The following KIAA1328 variants were observed in gnomAD, a reference collection of about 807,000 sequenced individuals.
KIAA1328 encodes the protein KIAA1328.
A neutral mutation model predicts 68.1 loss-of-function variants in KIAA1328; 52 were observed. The ratio of observed to expected loss-of-function variants is 0.76; its 90% CI spans 0.61 to 0.96. The LOEUF (loss-of-function observed/expected upper bound fraction) is 0.96, where lower values mean the gene tolerates loss of function less well. Among genes scored for constraint, KIAA1328 ranks in the 40% least tolerant of loss-of-function variants. The pLI is 0.00. For synonymous variants in KIAA1328, 232 were observed against 239.4 expected (o/e 0.97, Z 0.28); for missense variants, 641 against 677.6 (o/e 0.95, Z 0.60).
intron 6 of KIAA1328, among the ~76,000 whole-genome samples, chr18:37,061,716 G>A (rs2056154133): frequency 6.6e-6 from 1 of 152,164 alleles, no homozygotes; most frequent in Non-Finnish European, 1.5e-5. Context: ...GGCAACATCT[G>A]TCTTCAACTC....
chr18:36,948,028 T>C (rs1036966404), intron 5 of KIAA1328, among the ~76,000 whole-genome samples: 1 of 152,142 alleles, frequency 6.6e-6, no homozygotes, highest in African/African-American at 2.4e-5. Flanking sequence ...CTTCCCATCA[T>C]GGCCTGAACT....
At chr18:36,990,277 A>T (rs1309756615) in intron 6 of KIAA1328, among the ~76,000 whole-genome samples, 1 of 152,184 alleles carries the variant, frequency 6.6e-6, no homozygotes, top group Non-Finnish European at 1.5e-5. Flanking sequence ...CATGAATAAC[A>T]TATATTAATG....
At chr18:36,955,346 C>T (rs187117237) in intron 5 of KIAA1328, among the ~76,000 whole-genome samples, 2 of 144,066 alleles carry the variant, frequency 1.4e-5, no homozygotes, top group African/African-American at 5.1e-5. Flanking sequence ...GAGTCTCACT[C>T]TGTTGCCAGG....
At position 37,223,719 on chromosome 18, in the gene KIAA1328, C is replaced by G; in HGVS notation, c.*1492C>G. On this transcript the variant is annotated 3_prime_UTR_variant, in exon 10 of 10. Coordinates refer to ENST00000280020, the MANE Select transcript of KIAA1328 (RefSeq NM_020776.3). Reference sequence around the variant, plus strand: ...TTAATTAAAACTAGATTATTTCAATCTAGAAAAGCCTTGTTGAGCAGCCTC... The same window carrying G: ...TTAATTAAAACTAGATTATTTCAATGTAGAAAAGCCTTGTTGAGCAGCCTC... 1 of 985,372 alleles carries G rather than the reference C, an allele frequency of 1.0e-6. No individual in the cohort carries two copies. The highest frequency in any genetic ancestry group is 1.2e-6 in the Non-Finnish European group (1 of 829,932). 61.0% of individuals were successfully genotyped at this position (985,372 alleles called of 1,614,324 possible).
intron 5 of KIAA1328, among the ~76,000 whole-genome samples, chr18:36,916,712 A>G (rs748944893): frequency 1.3e-5 from 2 of 152,172 alleles, no homozygotes; most frequent in Non-Finnish European, 2.9e-5. Context: ...ACAGAGAGGA[A>G]AATTCTTTCC....
chr18:37,099,470 TTGCTGAGGAG>T (rs1167697080), intron 7 of KIAA1328, among the ~76,000 whole-genome samples: 2 of 152,220 alleles, frequency 1.3e-5, no homozygotes, highest in Non-Finnish European at 2.9e-5. Context: ...TCTTTTACAT[TTGCTGAGGAG>T]TGCTTTACTT....
intron 7 of KIAA1328, among the ~76,000 whole-genome samples, chr18:37,070,419 T>A (rs2151747194): frequency 6.6e-6 from 1 of 152,318 alleles, no homozygotes; most frequent in Non-Finnish European, 1.5e-5. Flanking sequence ...AATCTCCAAG[T>A]ACAATTGTGA....
At chr18:36,940,117 A>G (rs1255447719) in intron 5 of KIAA1328, among the ~76,000 whole-genome samples, 1 of 152,226 alleles carries the variant, frequency 6.6e-6, no homozygotes, top group Non-Finnish European at 1.5e-5. Flanking sequence ...ATAAAAAGAT[A>G]TGACTTTGGA....
chr18:36,929,338 A>T (rs2050231200), intron 5 of KIAA1328, among the ~76,000 whole-genome samples: 1 of 152,212 alleles, frequency 6.6e-6, no homozygotes, highest in African/African-American at 2.4e-5. Flanking sequence ...TATGCTCAGA[A>T]ATGGGCACCT....
intron 5 of KIAA1328, among the ~76,000 whole-genome samples, chr18:36,942,133 C>T (rs985925602): frequency 2.0e-5 from 3 of 152,036 alleles, no homozygotes; most frequent in African/African-American, 7.3e-5. Context: ...GTTGTAACAC[C>T]ATCTATTAGT....
rs2059780952 is a variant in KIAA1328 at position 37,185,637 on chromosome 18, ATGTATCTTCAGCT to A, written c.1523+12557_1523+12569del. Among the ~76,000 whole-genome samples the A allele has an allele frequency of 2.6e-5, 4 of 152,222 alleles. No homozygotes were observed. The East Asian group carries it at 7.7e-4, about 29-fold the overall frequency. On this transcript the variant is annotated intron_variant, in intron 9 of 9. Coordinates refer to ENST00000280020, the MANE Select transcript of KIAA1328 (RefSeq NM_020776.3). ...TAAAGTAGTTAATGGTAATTGGCTA[ATGTATCTTCAGCT>A]CAGCTGGACATTTTTGTATACACTG...
chr18:37,110,575 A>G (rs1322268119), intron 7 of KIAA1328, among the ~76,000 whole-genome samples: 1 of 152,198 alleles, frequency 6.6e-6, no homozygotes, highest in Non-Finnish European at 1.5e-5. Context: ...CTGCATTGAA[A>G]TAGTTTCTTT....
chr18:37,160,237 ACAT>A lies in KIAA1328; in HGVS notation c.1278_1280del (p.Ser427del). Reference sequence around the variant, plus strand: ...AAACTGTGATGGCTGGCTGCTTGGAACATCATCATCTATTAAAAAGCACCAAGA... The same window carrying A: ...AAACTGTGATGGCTGGCTGCTTGGAACATCATCTATTAAAAAGCACCAAGA... On this transcript the variant is annotated inframe_deletion, in exon 8 of 10. Transcript: ENST00000280020. 6.2e-7 allele frequency: 1 copy of A among 1,613,328 alleles called. No homozygotes were observed. The highest frequency in any genetic ancestry group is 1.7e-5 in the Admixed American group (1 of 59,932).
At chr18:36,864,944 C>A (rs1468183287) in intron 4 of KIAA1328, among the ~76,000 whole-genome samples, 2 of 150,020 alleles carry the variant, frequency 1.3e-5, no homozygotes, top group Admixed American at 1.3e-4. Context: ...TATTTTTTTA[C>A]CTCTGTTTTG....
At position 37,049,023 on chromosome 18, in the gene KIAA1328, G is replaced by C. The variant is rs1013482217; in HGVS notation, c.577-17867G>C. Among the ~76,000 whole-genome samples, 12 of 152,118 alleles carry C rather than the reference G, an allele frequency of 7.9e-5. 1 individual carries two copies. The highest frequency in any genetic ancestry group is 1.3e-4 in the Non-Finnish European group (9 of 68,032). On this transcript the variant is annotated intron_variant, in intron 6 of 9. Coordinates refer to ENST00000280020, the MANE Select transcript of KIAA1328 (RefSeq NM_020776.3). Reference sequence around the variant, plus strand: ...GTTCCATACAGTATATTGGAGAGGTGCCAAAATCTATGCAAAAACCATTAT... The same window carrying C: ...GTTCCATACAGTATATTGGAGAGGTCCCAAAATCTATGCAAAAACCATTAT...
intron 4 of KIAA1328, among the ~76,000 whole-genome samples, chr18:36,854,599 T>C (rs537388089): frequency 6.6e-6 from 1 of 152,308 alleles, no homozygotes; most frequent in South Asian, 2.1e-4. Context: ...ATGAACTCAC[T>C]CAGCTTTTGT....
At chr18:37,125,803 A>G (rs1484378996) in intron 7 of KIAA1328, among the ~76,000 whole-genome samples, 3 of 152,218 alleles carry the variant, frequency 2.0e-5, no homozygotes, top group Admixed American at 1.3e-4. Context: ...ATCTGACCTC[A>G]TGTGACAGGT....
intron 6 of KIAA1328, among the ~76,000 whole-genome samples, chr18:36,965,291 G>A (rs1033567763): frequency 6.6e-6 from 1 of 151,776 alleles, no homozygotes; most frequent in African/African-American, 2.4e-5. Flanking sequence ...GTGATTACTT[G>A]TTCCATATTT....
chr18:37,098,811 A>G (rs962019428), intron 7 of KIAA1328, among the ~76,000 whole-genome samples: 2 of 152,098 alleles, frequency 1.3e-5, no homozygotes, highest in Non-Finnish European at 2.9e-5. Flanking sequence ...GGGAGGGTGT[A>G]TGTGTCGAGG....
Sources: gnomAD v4.1 joint callset for allele counts (sites outside exome capture counted in the v4.1 genomes callset) on GRCh38, gnomAD v4.1.1 for gene constraint, MANE v1.5 for transcripts, NCBI Gene and HGNC (gene_info 2026-07-23, HGNC 2026-07-21) for gene names.